Variants in TTC23L observed in about 807,000 individuals in gnomAD.
TTC23L encodes the protein tetratricopeptide repeat domain 23 like, also known as tetratricopeptide repeat protein 23-like.
Under a neutral mutation model 48.1 loss-of-function variants are expected in TTC23L, and 42 were observed. The observed-to-expected ratio is 0.87, with a 90% CI of 0.68 to 1.13. TTC23L has a LOEUF of 1.13. Ranked by LOEUF, TTC23L falls within the 50% of genes most tolerant of loss-of-function variation. The pLI is 0.00. For synonymous variants in TTC23L, 159 were observed against 157.2 expected (o/e 1.01, Z -0.09); for missense variants, 391 against 421.0 (o/e 0.93, Z 0.62).
chr5:34,841,231 A>G (rs1758642870), intron 2 of TTC23L, among the ~76,000 whole-genome samples: 1 of 148,218 alleles, frequency 6.7e-6, no homozygotes, highest in Non-Finnish European at 1.5e-5. Flanking sequence ...AAAATTGTAG[A>G]GAGTTAGCTA....
chr5:34,905,189 T>C, the TTC23L span: 13 of 152,332 alleles, frequency 8.5e-5, no homozygotes, highest in African/African-American at 3.1e-4. Flanking sequence ...AAAGCAGCAC[T>C]GCCTATTCCA....
intron 8 of TTC23L, among the ~76,000 whole-genome samples, chr5:34,879,856 C>T (rs1220118237): frequency 6.6e-6 from 1 of 152,026 alleles, no homozygotes; most frequent in Admixed American, 6.6e-5. Context: ...ATTAGCCGGG[C>T]ATGGTGGCGC....
chr5:34,862,695 C>T (rs1043137349), intron 4 of TTC23L, among the ~76,000 whole-genome samples: 1 of 152,134 alleles, frequency 6.6e-6, no homozygotes, highest in African/African-American at 2.4e-5. Context: ...ATTCCCCACT[C>T]AGTAGGTCTT....
At chr5:34,912,435 G>A in the TTC23L span, among the ~76,000 whole-genome samples, 4 of 152,200 alleles carry the variant, frequency 2.6e-5, no homozygotes, top group Admixed American at 2.0e-4. Context: ...GCCACAGTGA[G>A]GAATGGAAGA....
At chr5:34,919,885 T>A in the TTC23L span, 1 of 1,151,786 alleles carries the variant, frequency 8.7e-7, no homozygotes, top group Non-Finnish European at 1.3e-6. Flanking sequence ...ATTAACGAGG[T>A]AATTTTGGAA....
At chr5:34,887,461 C>T (rs1174374263) in intron 9 of TTC23L, among the ~76,000 whole-genome samples, 1 of 152,092 alleles carries the variant, frequency 6.6e-6, no homozygotes, top group Non-Finnish European at 1.5e-5. Flanking sequence ...AATGAAGACT[C>T]TTAACATGGA....
intron 10 of TTC23L, among the ~76,000 whole-genome samples, chr5:34,897,412 T>A (rs1763301602): frequency 2.0e-5 from 3 of 151,488 alleles, no homozygotes; most frequent in South Asian, 2.1e-4. Flanking sequence ...AATTAAACAT[T>A]AAAAAAAATA....
rs555730035 is a variant in TTC23L, at chr5:34,844,534, CTT to C, written c.69-951_69-950del. Among the ~76,000 whole-genome samples, 58 of 150,232 alleles carry C rather than the reference CTT, an allele frequency of 3.9e-4. No homozygotes were observed. In the East Asian group the frequency reaches 9.9e-3, roughly 26 times the overall value. ...TTTATTTAAACATTGAACATTCACT[CTT>C]TAAGCTTTTTGTGCTTTTCTGAATT... On this transcript the variant is annotated intron_variant, in intron 2 of 10. Transcript: ENST00000505624.
chr5:34,847,800 C>T (rs1213318065), intron 3 of TTC23L, among the ~76,000 whole-genome samples: 1 of 152,142 alleles, frequency 6.6e-6, no homozygotes, highest in Non-Finnish European at 1.5e-5. Context: ...AAGTTTCCTT[C>T]TACCATTGCT....
At chr5:34,898,234 C>T (rs771407703) in intron 10 of TTC23L, among the ~76,000 whole-genome samples, 19 of 152,170 alleles carry the variant, frequency 1.2e-4, no homozygotes, top group Non-Finnish European at 2.4e-4. Context: ...CACTGTTGCA[C>T]GAAGCAAACG....
intron 4 of TTC23L, among the ~76,000 whole-genome samples, chr5:34,859,008 G>A (rs1197057448): frequency 2.6e-5 from 4 of 152,188 alleles, no homozygotes; most frequent in East Asian, 1.9e-4. Context: ...ACCAGCATGG[G>A]ATATTTTGCA....
At chr5:34,917,152 C>T in the TTC23L span, among the ~76,000 whole-genome samples, 180 of 152,014 alleles carry the variant, frequency 1.2e-3, no homozygotes, top group African/African-American at 4.2e-3. Context: ...AAAAAAAAAC[C>T]GATGAAAGAC....
chr5:34,839,639 A>G (rs1263540202), intron 1 of TTC23L: 3 of 985,186 alleles, frequency 3.0e-6, no homozygotes, highest in East Asian at 1.1e-4. Context: ...CGGATAATGG[A>G]TGCTCTGGAG....
At chr5:34,888,112 C>CA (rs1380436956) in intron 9 of TTC23L, among the ~76,000 whole-genome samples, 1 of 152,276 alleles carries the variant, frequency 6.6e-6, no homozygotes, top group East Asian at 1.9e-4. Context: ...AAAGAGACCT[C>CA]AAAGAGCCTC....
chr5:34,842,837 G>A (rs974553198), intron 2 of TTC23L, among the ~76,000 whole-genome samples: 4 of 152,116 alleles, frequency 2.6e-5, no homozygotes, highest in African/African-American at 9.7e-5. Flanking sequence ...ATGGGCCTTC[G>A]GCTCCCAGCA....
downstream of TTC23L, among the ~76,000 whole-genome samples, chr5:34,900,005 C>T (rs190791659): frequency 5.9e-5 from 9 of 152,286 alleles, no homozygotes; most frequent in East Asian, 1.2e-3. Flanking sequence ...CACTGGAACT[C>T]CATTACCTTC....
chr5:34,916,023 T>C, the TTC23L span: 1 of 1,153,242 alleles, frequency 8.7e-7, no homozygotes, highest in Non-Finnish European at 1.2e-6. Context: ...AGGTCGGTTT[T>C]AGCAATTCTC....
In TTC23L at chr5:34,840,249, GGA is replaced by G. The variant is rs1491103578; in HGVS notation, c.-7-415_-7-414del. ...AGTGAAATGACCCCGGGGGGGGGGG[GGA>G]AAGCAGAATTAACCAATACACTGGC... On this transcript the variant is annotated intron_variant, in intron 1 of 10. Coordinates refer to ENST00000505624, the Ensembl canonical transcript of TTC23L. 2.9e-3 allele frequency among the ~76,000 whole-genome samples: 338 copies of G among 116,988 alleles called. 18 individuals carry two copies. Among genetic ancestry groups the G allele is most frequent in the Middle Eastern group, 4.6e-3 (1 of 216 alleles). 76.7% of individuals were successfully genotyped at this position (116,988 alleles called of 152,430 possible).
chr5:34,871,785 G>T (rs1343622326), intron 8 of TTC23L, among the ~76,000 whole-genome samples: 1 of 152,020 alleles, frequency 6.6e-6, no homozygotes, highest in Non-Finnish European at 1.5e-5. Context: ...TACAGAAATA[G>T]ACCTGTATAA....
Sources: gnomAD v4.1 joint callset for allele counts (sites outside exome capture counted in the v4.1 genomes callset) on GRCh38, gnomAD v4.1.1 for gene constraint, MANE v1.5 for transcripts, NCBI Gene and HGNC (gene_info 2026-07-23, HGNC 2026-07-21) for gene names.